SEMA5A: variants seen among roughly 807,000 people sequenced by gnomAD.
SEMA5A encodes semaphorin-5A.
In SEMA5A, 55 loss-of-function variants were observed where a neutral mutation model predicts 135.5. The ratio of observed to expected loss-of-function variants is 0.41; its 90% CI spans 0.33 to 0.51. The LOEUF is 0.51. Ranked by LOEUF, SEMA5A falls within the 20% of genes least tolerant of loss-of-function variation. The pLI, the probability that SEMA5A is intolerant of heterozygous loss-of-function variation, is 0.37. For synonymous variants in SEMA5A, 580 were observed against 546.5 expected (o/e 1.06, Z -0.85); for missense variants, 1,290 against 1,419.9 (o/e 0.91, Z 1.47).
chr5:9,226,685 C>T (rs1747327462), intron 7 of SEMA5A, among the ~76,000 whole-genome samples, 184 bp downstream of exon 7: 1 of 152,046 alleles, frequency 6.6e-6, no homozygotes, highest in Non-Finnish European at 1.5e-5. Context: ...AGTTATTTAT[C>T]TAATTGATGG....
At chr5:9,528,443 A>G (rs535670120) in intron 1 of SEMA5A, among the ~76,000 whole-genome samples, 10 of 152,276 alleles carry the variant, frequency 6.6e-5, no homozygotes, top group African/African-American at 1.9e-4. Flanking sequence ...CCCACCCACA[A>G]ATTCTTCTGC....
chr5:9,202,362 G>C (rs972456183), intron 8 of SEMA5A, 122 bp from the exon 9 acceptor site: 1 of 952,684 alleles, frequency 1.0e-6, no homozygotes, highest in African/African-American at 1.6e-5. Context: ...GGTTCCTATA[G>C]GACTATTGGG....
At chr5:9,168,130 G>C (rs1256182487) in intron 11 of SEMA5A, among the ~76,000 whole-genome samples, 2 of 152,020 alleles carry the variant, frequency 1.3e-5, no homozygotes, top group African/African-American at 4.8e-5. Context: ...GTGGGGTGGG[G>C]ATCTGAAAAG....
chr5:9,055,772 G>T (rs1454545266), intron 18 of SEMA5A, among the ~76,000 whole-genome samples: 3 of 151,776 alleles, frequency 2.0e-5, no homozygotes, highest in African/African-American at 7.3e-5. Context: ...TTCCCTAAAA[G>T]TTATACGGTA....
intron 2 of SEMA5A, among the ~76,000 whole-genome samples, chr5:9,399,799 T>C (rs1287616596): frequency 5.9e-5 from 9 of 152,024 alleles, no homozygotes; most frequent in Non-Finnish European, 1.2e-4. Context: ...GCTTCCACAG[T>C]GGTGTTTGGT....
chr5:9,167,822 C>T (rs1356876591), intron 11 of SEMA5A, among the ~76,000 whole-genome samples: 1 of 152,022 alleles, frequency 6.6e-6, no homozygotes, highest in South Asian at 2.1e-4. Flanking sequence ...GAGCCTTATC[C>T]TTATTCATGA....
At chr5:9,186,178 C>T (rs1744797796) in intron 11 of SEMA5A, among the ~76,000 whole-genome samples, 1 of 152,242 alleles carries the variant, frequency 6.6e-6, no homozygotes, top group East Asian at 1.9e-4. Context: ...ATTCAGATAA[C>T]ATGCCTGGCC....
intron 3 of SEMA5A, among the ~76,000 whole-genome samples, chr5:9,366,379 G>A (rs1220046950): frequency 6.6e-6 from 1 of 151,298 alleles, no homozygotes; most frequent in Non-Finnish European, 1.5e-5. Context: ...TTTTGCTCCT[G>A]CAATAAAGAA....
chr5:9,281,646 T>C (rs1456479400), intron 5 of SEMA5A, among the ~76,000 whole-genome samples: 1 of 152,182 alleles, frequency 6.6e-6, no homozygotes, highest in African/African-American at 2.4e-5. Context: ...GAGAATTATC[T>C]GGATTCTTAT....
intron 18 of SEMA5A, among the ~76,000 whole-genome samples, chr5:9,059,285 T>A (rs1399849374): frequency 6.6e-6 from 1 of 152,172 alleles, no homozygotes; most frequent in African/African-American, 2.4e-5. Context: ...TGTACCTTTG[T>A]AGGTCAAAGT....
chr5:9,326,576 T>C (rs1417836074), intron 4 of SEMA5A, among the ~76,000 whole-genome samples: 1 of 151,826 alleles, frequency 6.6e-6, no homozygotes, highest in Non-Finnish European at 1.5e-5. Flanking sequence ...GGTCAGTAGT[T>C]CGAGACTAGC....
intron 15 of SEMA5A, among the ~76,000 whole-genome samples, chr5:9,116,527 T>G (rs1205762020): frequency 6.6e-6 from 1 of 152,212 alleles, no homozygotes; most frequent in Non-Finnish European, 1.5e-5. Flanking sequence ...TAAATACTTC[T>G]GAGATTTTTG....
chr5:9,285,304 T>C (rs1282288234), intron 5 of SEMA5A, among the ~76,000 whole-genome samples: 1 of 152,172 alleles, frequency 6.6e-6, no homozygotes, highest in African/African-American at 2.4e-5. Context: ...GCAAACACCA[T>C]CTTGTTATTC....
At position 9,237,890 on chromosome 5, in the gene SEMA5A, C is replaced by T. The variant is rs763514138; in HGVS notation, c.271G>A (p.Ala91Thr). The T allele has an allele frequency of 1.2e-6, 2 of 1,613,278 alleles. No individual in the cohort carries two copies. Among genetic ancestry groups the T allele is most frequent in the Admixed American group, 1.7e-5 (1 of 59,982 alleles). The change falls in exon 6 of 23, where the codon GCT becomes ACT. Residue 91 changes from alanine (A) to threonine (T), a missense_variant and splice_region_variant. Transcript: ENST00000382496. The part of the protein sequence containing the change: ...LQLEDLSLIQ[A>T]VEWECDEATK... ...GCTTCATCACACTCCCATTCCACAG[C>T]CTGTAGAAAACACCAAAACAATAGC... is the stretch of plus-strand genomic sequence containing the variant.
At chr5:9,535,837 C>G (rs1248614554) in intron 1 of SEMA5A, among the ~76,000 whole-genome samples, 2 of 152,172 alleles carry the variant, frequency 1.3e-5, no homozygotes, top group South Asian at 2.1e-4. Flanking sequence ...GAGAGTTACC[C>G]CACGGGCAGA....
At chr5:9,122,514 G>GT (rs1740864402) in intron 14 of SEMA5A, 142 bp downstream of exon 14, 1 of 816,146 alleles carries the variant, frequency 1.2e-6, no homozygotes, top group Admixed American at 4.1e-5. Context: ...CAAAAATCAT[G>GT]TAAGTTTTAA....
intron 11 of SEMA5A, among the ~76,000 whole-genome samples, chr5:9,177,609 G>T (rs911026713): frequency 6.6e-6 from 1 of 152,136 alleles, no homozygotes; most frequent in African/African-American, 2.4e-5. Flanking sequence ...TGAGTTCCAC[G>T]CAGGTCCTGA....
At chr5:9,495,443 TTC>T (rs1200417470) in intron 1 of SEMA5A, among the ~76,000 whole-genome samples, 1 of 152,154 alleles carries the variant, frequency 6.6e-6, no homozygotes, top group Admixed American at 6.5e-5. Flanking sequence ...GACAGCTTGG[TTC>T]TCTGTTTGCA....
At chr5:9,524,779 AAC>A (rs755316740) in intron 1 of SEMA5A, among the ~76,000 whole-genome samples, 2 of 152,200 alleles carry the variant, frequency 1.3e-5, no homozygotes, top group Non-Finnish European at 2.9e-5. Flanking sequence ...TATATACATA[AAC>A]ACTTTTTTTG....
Sources: allele counts gnomAD v4.1 joint callset (sites outside exome capture counted in the v4.1 genomes callset), GRCh38; gene constraint gnomAD v4.1.1; transcripts MANE v1.5; gene names NCBI Gene and HGNC (gene_info 2026-07-23, HGNC 2026-07-21).